TNFRSF6B: variants seen among roughly 807,000 people sequenced by gnomAD.
TNFRSF6B encodes TNF receptor superfamily member 6b, also known as tumor necrosis factor receptor superfamily member 6B.
TNFRSF6B carries 23 observed loss-of-function variants against 17.9 expected under a neutral mutation model. That is an observed-to-expected ratio of 1.28 (90% CI 0.92 to 1.82). The LOEUF (loss-of-function observed/expected upper bound fraction) is 1.82, where lower values mean the gene tolerates loss of function less well. Among genes scored for constraint, TNFRSF6B ranks in the 40% most tolerant of loss-of-function variants. The pLI, the probability that TNFRSF6B is intolerant of heterozygous loss-of-function variation, is 0.00. For synonymous variants in TNFRSF6B, 291 were observed against 195.8 expected, an observed-to-expected ratio of 1.49 and a Z score of -4.06; for missense variants, 555 against 437.2, an observed-to-expected ratio of 1.27 and a Z score of -2.40.
intron 2 of TNFRSF6B, 43 bp downstream of exon 2, chr20:63,697,565 C>T: frequency 1.3e-6 from 2 of 1,489,954 alleles, no homozygotes; most frequent in Non-Finnish European, 1.8e-6. Flanking sequence ...CAGGCCAGGC[C>T]CACTTGTGCC....
At chr20:63,698,188 C>G (rs1601210741) in intron 2 of TNFRSF6B, 92 bp from the exon 3 acceptor site, 4 of 1,501,120 alleles carry the variant, frequency 2.7e-6, no homozygotes, top group African/African-American at 1.4e-5. Context: ...TGCAAACCCC[C>G]CGAGTGGGGC....
rs1350657694 is a variant in TNFRSF6B at position 63,697,036 on chromosome 20, A to T, written c.269A>T (p.Tyr90Phe). ...QFWNYLERCR[Y>F]CNVLCGEREE... Reference sequence around the variant, plus strand: ...TGGAACTACCTAGAGCGCTGCCGCTACTGCAACGTCCTCTGCGGGGAGCGT... The same window carrying T: ...TGGAACTACCTAGAGCGCTGCCGCTTCTGCAACGTCCTCTGCGGGGAGCGT... The change falls in exon 1 of 3, where the codon TAC becomes TTC. Residue 90 changes from tyrosine to phenylalanine, a missense_variant. Coordinates refer to ENST00000369996, the MANE Select transcript of TNFRSF6B (RefSeq NM_003823.4). 4 of 1,607,506 alleles carry T rather than the reference A, an allele frequency of 2.5e-6. No homozygotes were observed. Among genetic ancestry groups the T allele is most frequent in the Non-Finnish European group, 3.4e-6 (4 of 1,179,056 alleles).
At position 63,696,899 on chromosome 20, in the gene TNFRSF6B, G is replaced by C; in HGVS notation, c.132G>C (p.Gly44=). Residue 44 remains glycine (G), a synonymous_variant, in exon 1 of 3, where the codon GGG becomes GGC. Transcript: ENST00000369996. ...PTYPWRDAET[G]ERLVCAQCPP... is the part of the protein sequence containing the mutation. ...ACCCCTGGCGGGACGCAGAGACAGGGGAGCGGCTGGTGTGCGCCCAGTGCC... is the reference window on the plus strand; with the variant it reads ...ACCCCTGGCGGGACGCAGAGACAGGCGAGCGGCTGGTGTGCGCCCAGTGCC... The C allele has an allele frequency of 6.2e-7, 1 of 1,611,018 alleles. No individual in the cohort carries two copies. The highest frequency in any genetic ancestry group is 8.5e-7 in the Non-Finnish European group (1 of 1,179,256).
Position 63,698,497 on chromosome 20 carries a change from G to C in TNFRSF6B, c.837G>C (p.Ala279=), listed in dbSNP as rs541025487. The change falls in exon 3 of 3, where the codon GCG becomes GCC. Residue 279 remains alanine (A), a synonymous_variant. Transcript: ENST00000369996. ...DGALLVRLLQ[A]LRVARMPGLE... is the part of the protein sequence containing the mutation. ...CGCTGCTGGTGCGGCTGCTGCAGGCGCTGCGCGTGGCCAGGATGCCCGGGC... is the reference window on the plus strand; with the variant it reads ...CGCTGCTGGTGCGGCTGCTGCAGGCCCTGCGCGTGGCCAGGATGCCCGGGC... 1 of 1,546,574 alleles carries C rather than the reference G, an allele frequency of 6.5e-7. No individual in the cohort carries two copies. Among genetic ancestry groups the C allele is most frequent in the African/African-American group, 1.4e-5 (1 of 69,928 alleles).
chr20:63,698,442 T>A lies in TNFRSF6B; in HGVS notation c.782T>A (p.Leu261His). 6.4e-7 allele frequency: 1 copy of A among 1,569,142 alleles called. No homozygotes were observed. The change falls in exon 3 of 3, where the codon CTC becomes CAC. Residue 261 changes from leucine (L) to histidine (H), a missense_variant. Transcript: ENST00000369996. ...AALQLKLRRR[L>H]TELLGAQDGA... is the part of the protein sequence containing the mutation. Reference sequence around the variant, plus strand: ...TTGCAGCTGAAGCTGCGTCGGCGGCTCACGGAGCTCCTGGGGGCGCAGGAC... The same window carrying A: ...TTGCAGCTGAAGCTGCGTCGGCGGCACACGGAGCTCCTGGGGGCGCAGGAC...
Position 63,698,369 on chromosome 20 carries a change from G to A in TNFRSF6B, c.709G>A (p.Glu237Lys), listed in dbSNP as rs779100044. Reference protein sequence around the residue: ...KRLQRLLQALEAPEGWGPTPR... With the variant: ...KRLQRLLQALKAPEGWGPTPR... ...GCTGCAGCGGCTGCTGCAGGCCCTC[G>A]AGGCCCCGGAGGGCTGGGGTCCGAC... Residue 237 changes from glutamate to lysine, a missense_variant, in exon 3 of 3, where the codon GAG becomes AAG. Glu to Lys is a moderately conservative substitution (Grantham distance 56). Coordinates refer to ENST00000369996, the MANE Select transcript of TNFRSF6B (RefSeq NM_003823.4). The A allele has an allele frequency of 2.2e-5, 36 of 1,608,302 alleles. No homozygotes were observed. The highest frequency in any genetic ancestry group is 6.6e-5 in the South Asian group (6 of 90,818).
Position 63,697,166 on chromosome 20 carries a change from A to G in TNFRSF6B, c.399A>G (p.Pro133=). 1.3e-6 allele frequency: 2 copies of G among 1,567,926 alleles called. No homozygotes were observed. The highest frequency in any genetic ancestry group is 1.7e-6 in the Non-Finnish European group (2 of 1,157,412). ...AGFCLEHASC[P]PGAGVIAPGT... ...TCTGCTTGGAGCACGCATCGTGTCC[A>G]CCTGGTGCCGGCGTGATTGCCCCGG... is the stretch of plus-strand genomic sequence containing the variant. Residue 133 remains proline, a synonymous_variant, in exon 1 of 3, where the codon CCA becomes CCG. Transcript: ENST00000369996.
chr20:63,697,460 C>T lies in TNFRSF6B; in HGVS notation c.557C>T (p.Ser186Phe), dbSNP rs1323152946. The T allele has an allele frequency of 1.3e-6, 2 of 1,593,160 alleles. No individual in the cohort carries two copies. Among genetic ancestry groups the T allele is most frequent in the Middle Eastern group, 1.7e-4 (1 of 6,040 alleles). ...GGCCTGGCCCTCAATGTGCCAGGCT[C>T]TTCCTCCCATGACACCCTGTGCACC... The part of the protein sequence containing the change: ...ALGLALNVPG[S>F]SSHDTLCTSC... The change falls in exon 2 of 3, where the codon TCT (serine) becomes TTT (phenylalanine). Residue 186 changes from serine (S) to phenylalanine (F), a missense_variant. Ser to Phe is a radical substitution (Grantham distance 155). Transcript: ENST00000369996.
In TNFRSF6B at chr20:63,696,966, CCCA is replaced by C; in HGVS notation, c.201_203del (p.Thr69del). The C allele has an allele frequency of 1.9e-6, 3 of 1,608,690 alleles. No individual in the cohort carries two copies. The highest frequency in any genetic ancestry group is 2.2e-5 in the South Asian group (2 of 90,834). ...GCAGCGGCCGTGCCGCCGAGACAGCCCCACGACGTGTGGCCCGTGTCCACCGCG... is the reference window on the plus strand; with the variant it reads ...GCAGCGGCCGTGCCGCCGAGACAGCCCGACGTGTGGCCCGTGTCCACCGCG... On this transcript the variant is annotated inframe_deletion, in exon 1 of 3. Transcript: ENST00000369996.
Position 63,696,909 on chromosome 20 carries a change from G to T in TNFRSF6B, c.142G>T (p.Val48Leu), listed in dbSNP as rs775941793. ...WRDAETGERLVCAQCPPGTFV... is the reference protein window; with the variant it reads ...WRDAETGERLLCAQCPPGTFV... ...GGACGCAGAGACAGGGGAGCGGCTG[G>T]TGTGCGCCCAGTGCCCCCCAGGCAC... Residue 48 changes from valine to leucine, a missense_variant, in exon 1 of 3, where the codon GTG becomes TTG. Val to Leu is a conservative substitution (Grantham distance 32, BLOSUM62 1). Coordinates refer to ENST00000369996, the MANE Select transcript of TNFRSF6B (RefSeq NM_003823.4). 1 of 1,611,054 alleles carries T rather than the reference G, an allele frequency of 6.2e-7. No individual in the cohort carries two copies. Among genetic ancestry groups the T allele is most frequent in the Non-Finnish European group, 8.5e-7 (1 of 1,179,256 alleles).
At chr20:63,698,065 GCC>G (rs1429621455) in intron 2 of TNFRSF6B, among the ~76,000 whole-genome samples, 2 of 152,092 alleles carry the variant, frequency 1.3e-5, no homozygotes, top group South Asian at 4.1e-4. Context: ...GGCCGCTCCT[GCC>G]CCCTAGGCCT....
In TNFRSF6B at chr20:63,698,351, C is replaced by T. The variant is rs143300172; in HGVS notation, c.691C>T (p.Arg231Trp). The T allele has an allele frequency of 3.8e-5, 62 of 1,610,876 alleles. No homozygotes were observed. The Middle Eastern group carries it at 4.9e-4, about 13-fold the overall frequency. ...GGACATCTCCATCAAGAGGCTGCAG[C>T]GGCTGCTGCAGGCCCTCGAGGCCCC... ...FQDISIKRLQRLLQALEAPEG... is the reference protein window; with the variant it reads ...FQDISIKRLQWLLQALEAPEG... The change falls in exon 3 of 3, where the codon CGG (arginine) becomes TGG (tryptophan). Residue 231 changes from arginine (R) to tryptophan (W), a missense_variant. Transcript: ENST00000369996.
chr20:63,697,413 C>G lies in TNFRSF6B; in HGVS notation c.510C>G (p.Pro170=). 6.2e-7 allele frequency: 1 copy of G among 1,610,874 alleles called. No individual in the cohort carries two copies. Among genetic ancestry groups the G allele is most frequent in the Non-Finnish European group, 8.5e-7 (1 of 1,179,270 alleles). The part of the protein sequence containing the change: ...ASSSSSEQCQ[P]HRNCTALGLA... ...GCTCCAGCTCAGAGCAGTGCCAGCC[C>G]CACCGCAACTGCACGGCCCTGGGCC... Residue 170 remains proline (P), a synonymous_variant, in exon 2 of 3, where the codon CCC becomes CCG. Coordinates refer to ENST00000369996, the MANE Select transcript of TNFRSF6B (RefSeq NM_003823.4).
rs936193296 is a variant in TNFRSF6B, at chr20:63,696,706, G to A, written c.-62G>A. On this transcript the variant is annotated 5_prime_UTR_variant, in exon 1 of 3. Transcript: ENST00000369996. ...CGGGGGCAAAGGAGGTGGCATGTCG[G>A]TCAGGCACAGCAGGGTCCTGTGTCC... The A allele has an allele frequency of 1.1e-5, 16 of 1,444,824 alleles. No homozygotes were observed. In the African/African-American group the frequency reaches 1.9e-4, roughly 17 times the overall value. 89.5% of individuals were successfully genotyped at this position (1,444,824 alleles called of 1,614,324 possible).
Position 63,697,614 on chromosome 20 carries a change from T to C in TNFRSF6B, c.619+92T>C, listed in dbSNP as rs929757146. 2.4e-5 allele frequency: 32 copies of C among 1,342,844 alleles called. 1 individual carries two copies. The Middle Eastern group carries it at 1.7e-3, about 72-fold the overall frequency. The allele number at this position is 1,342,844 out of a possible 1,614,324, so 83.2% of individuals were successfully genotyped here. A position where few individuals can be genotyped will look rare whatever the true frequency, so the allele number is the denominator to read the frequency against. On this transcript the variant is annotated intron_variant, in intron 2 of 2. Coordinates refer to ENST00000369996, the MANE Select transcript of TNFRSF6B (RefSeq NM_003823.4). ...CTGCACGTGCATCTAGCCTGAGGCATGCCAGCTGGCTCTGGGAAGGGGCCA... is the reference window on the plus strand; with the variant it reads ...CTGCACGTGCATCTAGCCTGAGGCACGCCAGCTGGCTCTGGGAAGGGGCCA...
Position 63,697,137 on chromosome 20 carries a change from G to T in TNFRSF6B, c.370G>T (p.Gly124Cys). 6.3e-7 allele frequency: 1 copy of T among 1,586,872 alleles called. No homozygotes were observed. Among genetic ancestry groups the T allele is most frequent in the Non-Finnish European group, 8.6e-7 (1 of 1,169,106 alleles). Residue 124 changes from glycine to cysteine, a missense_variant, in exon 1 of 3, where the codon GGT becomes TGT. Physicochemically the swap from Gly to Cys is radical, Grantham distance 159. Transcript: ENST00000369996. ...CCGCACCGGCTTCTTCGCGCACGCT[G>T]GTTTCTGCTTGGAGCACGCATCGTG... is the stretch of plus-strand genomic sequence containing the variant. ...RCRTGFFAHA[G>C]FCLEHASCPP...
At position 63,697,130 on chromosome 20, in the gene TNFRSF6B, G is replaced by A. The variant is rs376920308; in HGVS notation, c.363G>A (p.Ala121=). The change falls in exon 1 of 3, where the codon GCG becomes GCA. Residue 121 remains alanine, a synonymous_variant. Coordinates refer to ENST00000369996, the MANE Select transcript of TNFRSF6B (RefSeq NM_003823.4). ...RACRCRTGFF[A]HAGFCLEHAS... ...GCCGCTGCCGCACCGGCTTCTTCGCGCACGCTGGTTTCTGCTTGGAGCACG... is the reference window on the plus strand; with the variant it reads ...GCCGCTGCCGCACCGGCTTCTTCGCACACGCTGGTTTCTGCTTGGAGCACG... 273 of 1,589,924 alleles carry A rather than the reference G, an allele frequency of 1.7e-4. 1 individual carries two copies. Among genetic ancestry groups the A allele is most frequent in the African/African-American group, 5.4e-5 (4 of 74,538 alleles).
chr20:63,696,830 G>T lies in TNFRSF6B; in HGVS notation c.63G>T (p.Leu21=). 1 of 1,610,424 alleles carries T rather than the reference G, an allele frequency of 6.2e-7. No individual in the cohort carries two copies. The highest frequency in any genetic ancestry group is 1.1e-5 in the South Asian group (1 of 90,674). The change falls in exon 1 of 3, where the codon CTG becomes CTT. Residue 21 remains leucine (L), a synonymous_variant. Transcript: ENST00000369996. ...GCCTGGTGTTGGCGCTGCCTGCCCTGCTGCCGGTGCCGGCTGTACGCGGAG... is the reference window on the plus strand; with the variant it reads ...GCCTGGTGTTGGCGCTGCCTGCCCTTCTGCCGGTGCCGGCTGTACGCGGAG... ...LLCLVLALPA[L]LPVPAVRGVA... is the part of the protein sequence containing the mutation.
Position 63,697,032 on chromosome 20 carries a change from C to T in TNFRSF6B, c.265C>T (p.Arg89Cys), listed in dbSNP as rs1269571612. The T allele has an allele frequency of 8.7e-6, 14 of 1,607,316 alleles. No homozygotes were observed. Among genetic ancestry groups the T allele is most frequent in the East Asian group, 2.2e-5 (1 of 44,846 alleles). Residue 89 changes from arginine to cysteine, a missense_variant, in exon 1 of 3, where the codon CGC becomes TGC. Physicochemically the swap from Arg to Cys is radical, Grantham distance 180 (BLOSUM62 -3). Coordinates refer to ENST00000369996, the MANE Select transcript of TNFRSF6B (RefSeq NM_003823.4). ...TQFWNYLERC[R>C]YCNVLCGERE... ...GTTCTGGAACTACCTAGAGCGCTGC[C>T]GCTACTGCAACGTCCTCTGCGGGGA...
Sources: allele counts gnomAD v4.1 joint callset (sites outside exome capture counted in the v4.1 genomes callset), GRCh38; gene constraint gnomAD v4.1.1; transcripts MANE v1.5; gene names NCBI Gene and HGNC (gene_info 2026-07-23, HGNC 2026-07-21).